CBFA2T3: variants seen among roughly 807,000 people sequenced by gnomAD.
The protein encoded by CBFA2T3 is CBFA2/RUNX1 partner transcriptional co-repressor 3.
Under a neutral mutation model 58.6 loss-of-function variants are expected in CBFA2T3, and 31 were observed. The observed-to-expected ratio is 0.53, with a 90% CI of 0.40 to 0.71. The LOEUF (loss-of-function observed/expected upper bound fraction) is 0.71, where lower values mean the gene tolerates loss of function less well. CBFA2T3 is among the 30% of genes least tolerant of loss of function. CBFA2T3 has a pLI of 0.00. For missense variants in CBFA2T3, 1,076 were observed against 963.1 expected, an observed-to-expected ratio of 1.12 and a Z score of -1.55; for synonymous variants, 531 against 421.9, an observed-to-expected ratio of 1.26 and a Z score of -3.17.
intron 1 of CBFA2T3, among the ~76,000 whole-genome samples, chr16:88,917,124 C>A (rs1416047061): frequency 6.6e-6 from 1 of 151,604 alleles, no homozygotes; most frequent in African/African-American, 2.4e-5. Context: ...AAGAGAAGAA[C>A]TGGTGGAATC....
rs573980089 is a variant in CBFA2T3 at position 88,977,114 on chromosome 16, G to T, written c.-307C>A. 1 of 331,222 alleles carries T rather than the reference G, an allele frequency of 3.0e-6. No homozygotes were observed. The highest frequency in any genetic ancestry group is 5.6e-6 in the Non-Finnish European group (1 of 178,892). 20.5% of individuals were successfully genotyped at this position (331,222 alleles called of 1,614,324 possible). On this transcript the variant is annotated 5_prime_UTR_variant, in exon 1 of 12. Coordinates refer to ENST00000268679, the MANE Select transcript of CBFA2T3 (RefSeq NM_005187.6). ...CCAGCTGTGTCCCCGTGATAATGCC[G>T]GGGCCGGAGGCCTGCAGCTGCGCCC...
intron 1 of CBFA2T3, among the ~76,000 whole-genome samples, chr16:88,954,384 A>C (rs1972156951): frequency 7.6e-6 from 1 of 131,640 alleles, no homozygotes; most frequent in Admixed American, 7.2e-5. Context: ...GACCCCACCC[A>C]AGACTCCTGA....
At chr16:88,881,611 G>C (rs1295265201) in intron 8 of CBFA2T3, 122 bp from the exon 9 acceptor site, 1 of 987,470 alleles carries the variant, frequency 1.0e-6, no homozygotes, top group East Asian at 2.6e-5. Context: ...CCGCCCGTGA[G>C]AGTAAGGGGG....
At chr16:88,905,642 C>G (rs1970283332) in intron 1 of CBFA2T3, among the ~76,000 whole-genome samples, 1 of 148,686 alleles carries the variant, frequency 6.7e-6, no homozygotes, top group Admixed American at 6.7e-5. Context: ...GAGTGGAGCG[C>G]CATGATCAGG....
chr16:88,903,052 T>A (rs1434172587), intron 1 of CBFA2T3, among the ~76,000 whole-genome samples: 9 of 152,218 alleles, frequency 5.9e-5, no homozygotes, highest in Non-Finnish European at 1.0e-4. Context: ...GGCTGGTATC[T>A]GTCGTGTTAT....
chr16:88,885,633 G>C lies in CBFA2T3; in HGVS notation c.893+328C>G, dbSNP rs1375363604. The C allele has an allele frequency of 7.0e-6, 3 of 425,608 alleles. No homozygotes were observed. The highest frequency in any genetic ancestry group is 8.4e-6 in the Non-Finnish European group (2 of 237,016). 26.4% of individuals were successfully genotyped at this position (425,608 alleles called of 1,614,324 possible). ...GCACAAGAGCGTCTGGGGCAGCAGA[G>C]GGGGCCCAGCCCAGGCACCTGGGGA... On this transcript the variant is annotated intron_variant, in intron 6 of 11. Transcript: ENST00000268679. The surrounding 1 kb of genome is among the most constrained non-coding windows in gnomAD (Gnocchi z 5.3).
intron 7 of CBFA2T3, among the ~76,000 whole-genome samples, chr16:88,884,375 A>G (rs1969269020): frequency 6.6e-6 from 1 of 152,028 alleles, no homozygotes. Context: ...GGGCCTGACC[A>G]TCTCTGGGTT....
intron 1 of CBFA2T3, among the ~76,000 whole-genome samples, chr16:88,906,189 C>T (rs953377571): frequency 1.3e-5 from 2 of 152,186 alleles, no homozygotes; most frequent in African/African-American, 4.8e-5. Context: ...CCACCAAGGC[C>T]AACTGCAGGC....
At chr16:88,927,198 C>T (rs999616236) in intron 1 of CBFA2T3, among the ~76,000 whole-genome samples, 9 of 152,210 alleles carry the variant, frequency 5.9e-5, no homozygotes, top group Non-Finnish European at 1.3e-4. Flanking sequence ...CACCGCCTAA[C>T]GAGTTGGGTC....
chr16:88,900,971 C>A (rs1450170735), intron 2 of CBFA2T3, among the ~76,000 whole-genome samples: 2 of 152,264 alleles, frequency 1.3e-5, no homozygotes, highest in Non-Finnish European at 2.9e-5. Flanking sequence ...CCACCCTGGC[C>A]CCCGTGCTCA....
chr16:88,960,814 A>T (rs1256960208), intron 1 of CBFA2T3, among the ~76,000 whole-genome samples: 1 of 152,246 alleles, frequency 6.6e-6, no homozygotes, highest in Non-Finnish European at 1.5e-5. Flanking sequence ...TTTGCAGCTG[A>T]CATAATCCTA....
chr16:88,976,980 G>T lies in CBFA2T3; in HGVS notation c.-173C>A, dbSNP rs894430041. On this transcript the variant is annotated 5_prime_UTR_variant, in exon 1 of 12. Coordinates refer to ENST00000268679, the MANE Select transcript of CBFA2T3 (RefSeq NM_005187.6). ...CGAGGCCCTCCCGGCCACCAACTGG[G>T]TGTCCTCTGCCCTGGGGAGGGGGTG... is the stretch of plus-strand genomic sequence containing the variant. The T allele has an allele frequency of 5.7e-6, 4 of 705,976 alleles. No homozygotes were observed. Among genetic ancestry groups the T allele is most frequent in the Non-Finnish European group, 9.1e-6 (4 of 438,982 alleles). 43.7% of individuals were successfully genotyped at this position (705,976 alleles called of 1,614,324 possible).
At position 88,934,364 on chromosome 16, in the gene CBFA2T3, T is replaced by C. The variant is rs768670898; in HGVS notation, c.152-32708A>G. On this transcript the variant is annotated intron_variant, in intron 1 of 11. Transcript: ENST00000268679. ...CCGAACACTCTGCTCCCAGGTCCCC[T>C]GTTGGATGCTTTGGGCTTCTGGGCA... 2.2e-4 allele frequency among the ~76,000 whole-genome samples: 33 copies of C among 152,356 alleles called. 1 individual carries two copies. Among genetic ancestry groups the C allele is most frequent in the Middle Eastern group, 3.4e-3 (1 of 294 alleles).
At chr16:88,951,244 T>C (rs775063656) in intron 1 of CBFA2T3, 6 of 441,572 alleles carry the variant, frequency 1.4e-5, no homozygotes, top group Non-Finnish European at 4.5e-6. Flanking sequence ...AGGGTCAGAG[T>C]GTTGGCACCT....
intron 5 of CBFA2T3, among the ~76,000 whole-genome samples, 185 bp downstream of exon 5, chr16:88,891,697 C>G (rs923706540): frequency 3.3e-5 from 5 of 152,164 alleles, no homozygotes; most frequent in Admixed American, 2.0e-4. Context: ...GTCAGCAGTG[C>G]TCCCCTAGGG....
intron 8 of CBFA2T3, 106 bp downstream of exon 8, chr16:88,882,558 GTGTGGGCATGGC>G (rs1745138503): frequency 8.9e-6 from 6 of 673,338 alleles, no homozygotes; most frequent in African/African-American, 3.5e-5. Flanking sequence ...GTGTGGCTGT[GTGTGGGCATGGC>G]TGTGGGCGTG....
chr16:88,915,269 C>T (rs1373963967), intron 1 of CBFA2T3, among the ~76,000 whole-genome samples: 2 of 21,588 alleles, frequency 9.3e-5, no homozygotes, highest in Non-Finnish European at 1.7e-4. Flanking sequence ...ATGGGTGGGT[C>T]GCGGGGTGGG....
rs1302303522 is a variant in CBFA2T3 at position 88,875,908 on chromosome 16, A to G, written c.*1068T>C. ...CTACACATATGGAGACGCAGGCCGG[A>G]GCAACGGCACACGGACCACGCACAC... On this transcript the variant is annotated 3_prime_UTR_variant, in exon 12 of 12. Coordinates refer to ENST00000268679, the MANE Select transcript of CBFA2T3 (RefSeq NM_005187.6). 1 of 233,132 alleles carries G rather than the reference A, an allele frequency of 4.3e-6. No individual in the cohort carries two copies. Among genetic ancestry groups the G allele is most frequent in the Non-Finnish European group, 8.5e-6 (1 of 117,914 alleles). The allele number at this position is 233,132 out of a possible 1,614,324, so 14.4% of individuals were successfully genotyped here. A position where few individuals can be genotyped will look rare whatever the true frequency, so the allele number is the denominator to read the frequency against.
chr16:88,910,725 C>T (rs1237619454), intron 1 of CBFA2T3, among the ~76,000 whole-genome samples: 5 of 152,174 alleles, frequency 3.3e-5, no homozygotes, highest in African/African-American at 1.2e-4. Flanking sequence ...CCGGGAAGGG[C>T]CCTGAGAAGG....
Sources: gnomAD v4.1 joint callset for allele counts (sites outside exome capture counted in the v4.1 genomes callset) on GRCh38, gnomAD v4.1.1 for gene constraint, Gnocchi (gnomAD v3.1) non-coding constraint, MANE v1.5 for transcripts, NCBI Gene and HGNC (gene_info 2026-07-23, HGNC 2026-07-21) for gene names.